NELL1: variants seen among roughly 807,000 people sequenced by gnomAD.
NELL1 encodes the protein neural EGFL like 1.
NELL1 carries 76 observed loss-of-function variants against 107.4 expected under a neutral mutation model. That is an observed-to-expected ratio of 0.71 (90% confidence interval 0.59 to 0.86). The LOEUF is 0.86. Ranked by LOEUF, NELL1 falls within the 40% of genes least tolerant of loss-of-function variation. NELL1 has a pLI of 0.00. For synonymous variants in NELL1, 353 were observed against 341.2 expected (o/e 1.03, Z -0.38); for missense variants, 1,024 against 1,005.5 (o/e 1.02, Z -0.25).
intron 15 of NELL1, among the ~76,000 whole-genome samples, chr11:21,493,170 C>T (rs988602731): frequency 3.3e-5 from 5 of 152,000 alleles, no homozygotes; most frequent in Admixed American, 1.3e-4. Flanking sequence ...CTATGGAGAA[C>T]AGTACACTTT....
chr11:21,115,193 T>C (rs946574413), intron 13 of NELL1, among the ~76,000 whole-genome samples: 2 of 152,034 alleles, frequency 1.3e-5, no homozygotes, highest in Non-Finnish European at 2.9e-5. Flanking sequence ...TCTTAAGAAC[T>C]GGCTCCACAA....
intron 2 of NELL1, among the ~76,000 whole-genome samples, chr11:20,761,611 A>G (rs753808751): frequency 6.6e-6 from 1 of 152,224 alleles, no homozygotes; most frequent in African/African-American, 2.4e-5. Context: ...GCAAATGCTC[A>G]GTCCAGGAGA....
intron 15 of NELL1, among the ~76,000 whole-genome samples, chr11:21,508,972 C>A (rs147068945): frequency 6.6e-6 from 1 of 151,902 alleles, no homozygotes; most frequent in Non-Finnish European, 1.5e-5. Flanking sequence ...CTGCTGCCTT[C>A]CAACAAAAGT....
At chr11:21,019,618 A>T (rs1163189701) in intron 12 of NELL1, among the ~76,000 whole-genome samples, 2 of 152,006 alleles carry the variant, frequency 1.3e-5, no homozygotes, top group Non-Finnish European at 2.9e-5. Flanking sequence ...CTGGCATCTG[A>T]TGGGTAGAGG....
rs369007298 is a variant in NELL1, at chr11:21,341,606, A to G, written c.1550-29247A>G. ...GTAAAGAAGGATAATTTCTCCAGCT[A>G]AGAGCGCATGGCCAGTAGCTGAAAC... On this transcript the variant is annotated intron_variant, in intron 14 of 19. Coordinates refer to ENST00000357134, the MANE Select transcript of NELL1 (RefSeq NM_006157.5). Among the ~76,000 whole-genome samples the G allele has an allele frequency of 1.8e-3, 281 of 152,338 alleles. 10 individuals are homozygous for G. The South Asian group carries it at 0.055, about 30-fold the overall frequency.
intron 14 of NELL1, chr11:21,260,106 T>C (rs1032375668): frequency 1.3e-5 from 2 of 151,956 alleles, no homozygotes; most frequent in African/African-American, 4.8e-5. Context: ...TATATTTGCA[T>C]GTTAAAATAG....
chr11:21,541,245 T>C (rs1023085537), intron 16 of NELL1, among the ~76,000 whole-genome samples: 1 of 152,136 alleles, frequency 6.6e-6, no homozygotes, highest in African/African-American at 2.4e-5. Context: ...GGCCTTCCAT[T>C]GTTATCTGCT....
At chr11:21,374,497 AATG>A (rs1851423913) in intron 15 of NELL1, among the ~76,000 whole-genome samples, 1 of 152,030 alleles carries the variant, frequency 6.6e-6, no homozygotes, top group African/African-American at 2.4e-5. Flanking sequence ...AGGAAGCTGT[AATG>A]CTTTTTGTGA....
chr11:21,087,612 A>G (rs1854425960), intron 12 of NELL1, among the ~76,000 whole-genome samples: 1 of 152,196 alleles, frequency 6.6e-6, no homozygotes, highest in South Asian at 2.1e-4. Flanking sequence ...TGTTTGGGAC[A>G]TAAGGTGCTT....
At chr11:21,293,561 C>T (rs972453713) in intron 14 of NELL1, among the ~76,000 whole-genome samples, 6 of 152,128 alleles carry the variant, frequency 3.9e-5, no homozygotes, top group African/African-American at 1.4e-4. Flanking sequence ...TACCATTTGA[C>T]CCAGCAATGC....
At chr11:21,350,182 C>T (rs1342569215) in intron 14 of NELL1, among the ~76,000 whole-genome samples, 1 of 152,022 alleles carries the variant, frequency 6.6e-6, no homozygotes, top group African/African-American at 2.4e-5. Flanking sequence ...TTCTCTCATG[C>T]TCACTGCTTT....
At chr11:21,256,577 A>G (rs1858773760) in intron 14 of NELL1, among the ~76,000 whole-genome samples, 1 of 152,038 alleles carries the variant, frequency 6.6e-6, no homozygotes, top group African/African-American at 2.4e-5. Context: ...TCTTGGGGTC[A>G]GCTGTGTTCA....
intron 15 of NELL1, among the ~76,000 whole-genome samples, chr11:21,482,558 T>C (rs1250353578): frequency 6.6e-6 from 1 of 152,158 alleles, no homozygotes; most frequent in Non-Finnish European, 1.5e-5. Context: ...CATGTACTAA[T>C]AGATGACAAA....
intron 15 of NELL1, among the ~76,000 whole-genome samples, chr11:21,427,772 A>G (rs1852863521): frequency 6.6e-6 from 1 of 152,192 alleles, no homozygotes; most frequent in South Asian, 2.1e-4. Flanking sequence ...TTTTATAGGT[A>G]AAAGAAACCC....
chr11:20,968,506 A>G (rs932433168), intron 12 of NELL1, among the ~76,000 whole-genome samples: 1 of 152,112 alleles, frequency 6.6e-6, no homozygotes, highest in African/African-American at 2.4e-5. Flanking sequence ...TTTTGCTAAT[A>G]CTCAGTTCAT....
chr11:20,973,631 T>G (rs1851546614), intron 12 of NELL1, among the ~76,000 whole-genome samples: 1 of 152,182 alleles, frequency 6.6e-6, no homozygotes, highest in South Asian at 2.1e-4. Flanking sequence ...AGATATATCT[T>G]GTTAATTTCT....
intron 13 of NELL1, among the ~76,000 whole-genome samples, chr11:21,214,764 A>C (rs1201238456): frequency 8.1e-6 from 1 of 123,550 alleles, no homozygotes; most frequent in Non-Finnish European, 1.6e-5. Context: ...ATAGATATGG[A>C]GAACAGGTTA....
intron 13 of NELL1, among the ~76,000 whole-genome samples, chr11:21,147,979 T>C (rs2133781724): frequency 6.6e-6 from 1 of 151,990 alleles, no homozygotes; most frequent in South Asian, 2.1e-4. Context: ...CAGGCAATAG[T>C]CTTCAAGTTA....
intron 14 of NELL1, among the ~76,000 whole-genome samples, chr11:21,361,092 T>C (rs1052531547): frequency 6.6e-6 from 1 of 152,116 alleles, no homozygotes; most frequent in African/African-American, 2.4e-5. Flanking sequence ...GTTTCTTTTT[T>C]TGTATATTTT....
Sources: allele counts gnomAD v4.1 joint callset (sites outside exome capture counted in the v4.1 genomes callset), GRCh38; gene constraint gnomAD v4.1.1; transcripts MANE v1.5; gene names NCBI Gene and HGNC (gene_info 2026-07-23, HGNC 2026-07-21).